Variants in ACSS2 observed in about 807,000 individuals in gnomAD.
The protein encoded by ACSS2 is acetyl-coenzyme A synthetase, cytoplasmic.
A neutral mutation model predicts 90.6 loss-of-function variants in ACSS2; 58 were observed. That is an observed-to-expected ratio of 0.64 (90% CI 0.52 to 0.80). The LOEUF (loss-of-function observed/expected upper bound fraction) is 0.80, where lower values mean the gene tolerates loss of function less well. Ranked by LOEUF, ACSS2 falls within the 30% of genes least tolerant of loss-of-function variation. The probability of loss-of-function intolerance (pLI) is 0.00; values close to 1 mark genes in which losing one functional copy is unlikely to be tolerated. For missense variants in ACSS2, 759 were observed against 912.0 expected (o/e 0.83, Z 2.16); for synonymous variants, 300 against 330.9 (o/e 0.91, Z 1.01).
At chr20:34,884,452 AAG>A (rs2080140586) in intron 2 of ACSS2, among the ~76,000 whole-genome samples, 1 of 152,242 alleles carries the variant, frequency 6.6e-6, no homozygotes, top group African/African-American at 2.4e-5. Flanking sequence ...GCATTTAACT[AAG>A]AGTCAGTTTC....
At chr20:34,922,196 G>GGACCA (rs2081218468) in intron 13 of ACSS2, 2 of 246,898 alleles carry the variant, frequency 8.1e-6, no homozygotes, top group Non-Finnish European at 1.5e-5. Context: ...AAATCACGTA[G>GGACCA]GATCTGGAGT....
chr20:34,876,528 C>T (rs2079910465), upstream of ACSS2: 7 of 1,197,726 alleles, frequency 5.8e-6, no homozygotes, highest in South Asian at 1.4e-4. Context: ...CTAAGCCACT[C>T]CCCCACTCAC....
intron 2 of ACSS2, among the ~76,000 whole-genome samples, chr20:34,889,067 C>T (rs1034327371): frequency 7.4e-5 from 11 of 149,578 alleles, no homozygotes; most frequent in Admixed American, 4.0e-4. Flanking sequence ...TGCAGTGGTA[C>T]GATCTCGGCT....
chr20:34,889,851 G>A (rs546939702), intron 2 of ACSS2, among the ~76,000 whole-genome samples: 36 of 152,312 alleles, frequency 2.4e-4, no homozygotes, highest in African/African-American at 8.2e-4. Flanking sequence ...ATCAACAGCG[G>A]ATGAGGTCCA....
intron 2 of ACSS2, chr20:34,908,988 A>G (rs1205963664): frequency 2.3e-6 from 1 of 426,978 alleles, no homozygotes; most frequent in Non-Finnish European, 4.6e-6. Context: ...TGAAGCATTT[A>G]TTTGTTAAAT....
chr20:34,886,497 A>G (rs1338937986), intron 2 of ACSS2, among the ~76,000 whole-genome samples: 1 of 152,054 alleles, frequency 6.6e-6, no homozygotes, highest in Non-Finnish European at 1.5e-5. Context: ...GGTAGTGCAC[A>G]CCTGCAGTCC....
rs774798428 is a variant in ACSS2, at chr20:34,913,755, T to A, written c.573T>A (p.Phe191Leu). ...TCAGACTTTCTTCCCTTCCCTAGTT[T>A]GCAGGCTTCTCTTCAGAGTCTCTAT... Reference protein sequence around the residue: ...ARIGALHSIVFAGFSSESLCE... With the variant: ...ARIGALHSIVLAGFSSESLCE... Residue 191 changes from phenylalanine to leucine, a missense_variant and splice_region_variant, in exon 5 of 18, where the codon TTT becomes TTA. Coordinates refer to ENST00000360596, the MANE Select transcript of ACSS2 (RefSeq NM_018677.4). 1.2e-6 allele frequency: 2 copies of A among 1,613,986 alleles called. No individual in the cohort carries two copies. The highest frequency in any genetic ancestry group is 1.7e-6 in the Non-Finnish European group (2 of 1,179,956).
At chr20:34,877,554 A>C (rs2079946873) in intron 1 of ACSS2, among the ~76,000 whole-genome samples, 3 of 152,242 alleles carry the variant, frequency 2.0e-5, no homozygotes, top group Middle Eastern at 6.8e-3. Context: ...GCAGTGGCTC[A>C]CGCCTGTAAT....
In ACSS2 at chr20:34,920,712, G is replaced by A. The variant is rs1227338012; in HGVS notation, c.1143+3G>A. On this transcript the variant is annotated splice_donor_region_variant and intron_variant, in intron 9 of 17. Transcript: ENST00000360596. The stretch of plus-strand genomic sequence containing the variant: ...CCAATGGTGCCACCAGTGTTTTGGT[G>A]AGAAGGGAGCCACCTGGCCTAGCTG... The A allele has an allele frequency of 6.2e-7, 1 of 1,608,778 alleles. No homozygotes were observed. Among genetic ancestry groups the A allele is most frequent in the Non-Finnish European group, 8.5e-7 (1 of 1,176,896 alleles).
intron 1 of ACSS2, among the ~76,000 whole-genome samples, chr20:34,879,299 A>G (rs887250719): frequency 1.3e-5 from 2 of 152,034 alleles, no homozygotes; most frequent in African/African-American, 4.8e-5. Context: ...CATTCTAGAT[A>G]GATCATTCTC....
rs2081174234 is a variant in ACSS2, at chr20:34,920,558, G to A, written c.992G>A (p.Gly331Glu). The change falls in exon 9 of 18, where the codon GGG becomes GAG. Residue 331 changes from glycine to glutamate, a missense_variant. Coordinates refer to ENST00000360596, the MANE Select transcript of ACSS2 (RefSeq NM_018677.4). Reference sequence around the variant, plus strand: ...CCACAGGGTGTGGTTCACACAGTTGGGGGCTACATGCTCTATGTAGCCACA... The same window carrying A: ...CCACAGGGTGTGGTTCACACAGTTGAGGGCTACATGCTCTATGTAGCCACA... ...GKPKGVVHTVGGYMLYVATTF... is the reference protein window; with the variant it reads ...GKPKGVVHTVEGYMLYVATTF... 6.2e-7 allele frequency: 1 copy of A among 1,614,028 alleles called. No homozygotes were observed. The highest frequency in any genetic ancestry group is 8.5e-7 in the Non-Finnish European group (1 of 1,179,998).
chr20:34,882,461 A>C (rs1455210155), intron 1 of ACSS2, among the ~76,000 whole-genome samples: 4 of 152,022 alleles, frequency 2.6e-5, no homozygotes, highest in Non-Finnish European at 5.9e-5. Flanking sequence ...GTCTCTACTA[A>C]AAATACAAAA....
rs57226725 is a variant in ACSS2 at position 34,882,934 on chromosome 20, G to C, written c.319G>C (p.Val107Leu). 178 of 1,611,770 alleles carry C rather than the reference G, an allele frequency of 1.1e-4. No homozygotes were observed. In the African/African-American group the frequency reaches 2.1e-3, roughly 19 times the overall value. ...KGATTNICYNVLDRNVHEKKL... is the reference protein window; with the variant it reads ...KGATTNICYNLLDRNVHEKKL... ...AGCAACTACCAACATCTGCTACAAT[G>C]TACTGGATCGAAATGTCCATGAGAA... The change falls in exon 2 of 18, where the codon GTA becomes CTA. Residue 107 changes from valine to leucine, a missense_variant. By Grantham distance (32) the Val-to-Leu change is conservative (BLOSUM62 1). Coordinates refer to ENST00000360596, the MANE Select transcript of ACSS2 (RefSeq NM_018677.4).
At chr20:34,926,830 T>C in intron 16 of ACSS2, 47 bp from the exon 17 acceptor site, 1 of 1,604,530 alleles carries the variant, frequency 6.2e-7, no homozygotes, top group Non-Finnish European at 8.5e-7. Flanking sequence ...TTTTGAAAAG[T>C]CTGGCTAAGG....
intron 4 of ACSS2, 48 bp from the exon 5 acceptor site, chr20:34,913,705 A>AATC: frequency 6.4e-7 from 1 of 1,564,024 alleles, no homozygotes; most frequent in Non-Finnish European, 8.8e-7. Flanking sequence ...TCATTCACTC[A>AATC]ATCCCTGGGG....
At chr20:34,919,165 A>G (rs769219335) in intron 7 of ACSS2, among the ~76,000 whole-genome samples, 1 of 152,138 alleles carries the variant, frequency 6.6e-6, no homozygotes, top group Non-Finnish European at 1.5e-5. Flanking sequence ...AAGGATGGGA[A>G]GGGACCAGCC....
At chr20:34,913,257 G>T in intron 3 of ACSS2, 70 bp downstream of exon 3, 1 of 1,573,300 alleles carries the variant, frequency 6.4e-7, no homozygotes, top group South Asian at 1.1e-5. Context: ...AGACTTATGG[G>T]GAGAGGGCAA....
In ACSS2 at chr20:34,927,018, G is replaced by A. The variant is rs1600371482; in HGVS notation, c.1978+67G>A. ...TGGTGGTGGTGGGGTGTGCGTGGAT[G>A]AAAGCCTTTGGCAGGGCTAGGGTGG... On this transcript the variant is annotated intron_variant, in intron 17 of 17. Coordinates refer to ENST00000360596, the MANE Select transcript of ACSS2 (RefSeq NM_018677.4). This position sits in a 1 kb window ranked among gnomAD's most constrained non-coding sequence, Gnocchi z 4.2. 5.6e-6 allele frequency: 9 copies of A among 1,613,992 alleles called. No individual in the cohort carries two copies. The East Asian group carries it at 2.0e-4, about 36-fold the overall frequency.
chr20:34,919,331 A>G (rs976581188), intron 7 of ACSS2, 104 bp from the exon 8 acceptor site: 3 of 1,538,482 alleles, frequency 1.9e-6, no homozygotes, highest in Non-Finnish European at 2.7e-6. Flanking sequence ...CCCTTCCTGT[A>G]CTCCTACCTG....
Sources: gnomAD v4.1 joint callset for allele counts (sites outside exome capture counted in the v4.1 genomes callset) on GRCh38, gnomAD v4.1.1 for gene constraint, Gnocchi (gnomAD v3.1) non-coding constraint, MANE v1.5 for transcripts, NCBI Gene and HGNC (gene_info 2026-07-23, HGNC 2026-07-21) for gene names.